The following INTS7 variants were observed in gnomAD, a reference collection of about 807,000 sequenced individuals.
INTS7 encodes the protein integrator complex subunit 7, also known as chromosome 1 open reading frame 73.
In INTS7, 46 loss-of-function variants were observed where a neutral mutation model predicts 109.2. The observed-to-expected ratio is 0.42, with a 90% CI of 0.33 to 0.54. The LOEUF is 0.54. Ranked by LOEUF, INTS7 falls within the 20% of genes least tolerant of loss-of-function variation. The probability of loss-of-function intolerance (pLI) is 0.07; values close to 1 mark genes in which losing one functional copy is unlikely to be tolerated. For missense variants in INTS7, 929 were observed against 1,132.4 expected, an observed-to-expected ratio of 0.82 and a Z score of 2.58; for synonymous variants, 412 against 402.9, an observed-to-expected ratio of 1.02 and a Z score of -0.27.
At chr1:211,969,551 C>CTTTTTTTTTTTTTTTTTTTT (rs36104773) in intron 13 of INTS7, among the ~76,000 whole-genome samples, 3 of 85,018 alleles carry the variant, frequency 3.5e-5, no homozygotes, top group Non-Finnish European at 7.1e-5. Flanking sequence ...TTTTTCTTTT[C>CTTTTTTTTTTTTTTTTTTTT]TTTTTTTTTT....
chr1:212,001,815 T>A (rs1571893564), intron 7 of INTS7, among the ~76,000 whole-genome samples: 1 of 152,348 alleles, frequency 6.6e-6, no homozygotes, highest in Admixed American at 6.5e-5. Flanking sequence ...GACTTACATA[T>A]CACTGGCCAC....
intron 14 of INTS7, 100 bp downstream of exon 14, chr1:211,968,411 GTC>G (rs1664009153): frequency 3.9e-5 from 37 of 949,652 alleles, no homozygotes; most frequent in Non-Finnish European, 5.1e-5. Context: ...TTATGATAAT[GTC>G]TGAGTCAAAC....
rs903057612 is a variant in INTS7 at position 211,946,177 on chromosome 1, T to C, written c.2415+430A>G. Among the ~76,000 whole-genome samples the C allele has an allele frequency of 7.2e-5, 11 of 152,202 alleles. No individual in the cohort carries two copies. The highest frequency in any genetic ancestry group is 2.7e-4 in the African/African-American group (11 of 41,442). On this transcript the variant is annotated intron_variant, in intron 18 of 19. Transcript: ENST00000366994. This position sits in a 1 kb window ranked among gnomAD's most constrained non-coding sequence, Gnocchi z 4.3. ...ATAAAGGAGAGAAATGGCTTACAAC[T>C]AGGTTTTATCAAAACCAAAGGTAAG...
chr1:212,023,659 C>CATA (rs2102495053), intron 1 of INTS7, among the ~76,000 whole-genome samples: 1 of 152,234 alleles, frequency 6.6e-6, no homozygotes, highest in Admixed American at 6.5e-5. Flanking sequence ...TTGTCACATG[C>CATA]ATAGTTTGCA....
intron 16 of INTS7, among the ~76,000 whole-genome samples, chr1:211,961,408 G>C (rs1269432287): frequency 6.6e-6 from 1 of 151,460 alleles, no homozygotes; most frequent in Non-Finnish European, 1.5e-5. Context: ...AGCCAGAAGA[G>C]ACTGTGGGCC....
intron 11 of INTS7, among the ~76,000 whole-genome samples, chr1:211,977,063 T>C (rs1227905991): frequency 6.6e-6 from 1 of 152,112 alleles, no homozygotes; most frequent in Non-Finnish European, 1.5e-5. Context: ...ATGCAAAAGA[T>C]TACAAGTAGT....
In INTS7 at chr1:211,982,623, G is replaced by A. The variant is rs1453652819; in HGVS notation, c.1132+53C>T. The A allele has an allele frequency of 1.4e-5, 20 of 1,421,132 alleles. No homozygotes were observed. In the South Asian group the frequency reaches 1.5e-4, roughly 11 times the overall value. The allele number at this position is 1,421,132 out of a possible 1,614,324, so 88.0% of individuals were successfully genotyped here. A position where few individuals can be genotyped will look rare whatever the true frequency, so the allele number is the denominator to read the frequency against. ...TTAAAAAAAAATCAAACAGAATTCT[G>A]TCCAAGGTCTAAACCAAAGTTTATA... On this transcript the variant is annotated intron_variant, in intron 9 of 19. Transcript: ENST00000366994.
intron 8 of INTS7, among the ~76,000 whole-genome samples, chr1:211,984,467 CT>C (rs1664805736): frequency 6.6e-6 from 1 of 152,088 alleles, no homozygotes; most frequent in Non-Finnish European, 1.5e-5. Context: ...CTTTTTCCCC[CT>C]ATGTACAACA....
In INTS7 at chr1:211,946,805, T is replaced by C. The variant is rs1412122516; in HGVS notation, c.2317-100A>G. On this transcript the variant is annotated intron_variant, in intron 17 of 19. Coordinates refer to ENST00000366994, the MANE Select transcript of INTS7 (RefSeq NM_015434.4). This position sits in a 1 kb window ranked among gnomAD's most constrained non-coding sequence, Gnocchi z 4.3. Reference sequence around the variant, plus strand: ...AAACTACAAATGCCCATATAGATTATTACAAAGGTACATACCAATCAAGAA... The same window carrying C: ...AAACTACAAATGCCCATATAGATTACTACAAAGGTACATACCAATCAAGAA... 5 of 727,290 alleles carry C rather than the reference T, an allele frequency of 6.9e-6. No homozygotes were observed. Among genetic ancestry groups the C allele is most frequent in the South Asian group, 1.8e-5 (1 of 56,310 alleles). The allele number at this position is 727,290 out of a possible 1,614,324, so 45.1% of individuals were successfully genotyped here.
chr1:212,017,849 A>C (rs1051991814), intron 3 of INTS7, among the ~76,000 whole-genome samples: 14 of 152,230 alleles, frequency 9.2e-5, no homozygotes, highest in African/African-American at 3.1e-4. Flanking sequence ...ACTGTTAAAA[A>C]TAAGTAATAC....
chr1:211,961,367 A>G (rs1020703390), intron 16 of INTS7, among the ~76,000 whole-genome samples: 4 of 152,176 alleles, frequency 2.6e-5, no homozygotes, highest in African/African-American at 9.7e-5. Context: ...ATCAGACTTA[A>G]CAGCAGACCC....
At chr1:211,967,785 C>T in intron 15 of INTS7, 93 bp downstream of exon 15, 1 of 684,310 alleles carries the variant, frequency 1.5e-6, no homozygotes, top group African/African-American at 1.9e-5. Flanking sequence ...GGTTATTTAA[C>T]ATGTATTTTG....
chr1:211,949,105 C>T (rs1304241141), intron 17 of INTS7, among the ~76,000 whole-genome samples: 2 of 152,218 alleles, frequency 1.3e-5, no homozygotes, highest in East Asian at 3.8e-4. Context: ...TGAAATTCCA[C>T]CTAATAGTCC....
In INTS7 at chr1:211,941,962, T is replaced by A. The variant is rs200000711; in HGVS notation, c.2751A>T (p.Val917=). Residue 917 remains valine, a synonymous_variant, in exon 20 of 20, where the codon GTA becomes GTT. Coordinates refer to ENST00000366994, the MANE Select transcript of INTS7 (RefSeq NM_015434.4). ...TGGTAGTTCTGGGACCAGTCTTCCA[T>A]ACTATACCATTGGCATCTTTCACAG... ...ESSVKDANGI[V]WKTGPRTTIF... 9.9e-5 allele frequency: 159 copies of A among 1,614,114 alleles called. No individual in the cohort carries two copies. Among genetic ancestry groups the A allele is most frequent in the Non-Finnish European group, 4.7e-5 (56 of 1,180,044 alleles).
At chr1:211,944,655 T>G (rs1237888537) in intron 19 of INTS7, 129 bp downstream of exon 19, 5 of 736,082 alleles carry the variant, frequency 6.8e-6, no homozygotes, top group Admixed American at 5.0e-5. Context: ...TGTGGGCTTT[T>G]AATTTATGTC....
intron 16 of INTS7, among the ~76,000 whole-genome samples, chr1:211,953,921 G>C (rs923962933): frequency 1.2e-4 from 18 of 152,256 alleles, no homozygotes; most frequent in African/African-American, 4.1e-4. Flanking sequence ...ACCCAGTAAT[G>C]GGATGGCTGG....
intron 2 of INTS7, 58 bp downstream of exon 2, chr1:212,021,025 A>G (rs1666671305): frequency 6.7e-7 from 1 of 1,501,472 alleles, no homozygotes; most frequent in African/African-American, 1.4e-5. Context: ...AGACCACAAT[A>G]TAAAACAAGA....
chr1:211,949,116 A>G (rs1311049372), intron 17 of INTS7, among the ~76,000 whole-genome samples: 2 of 152,148 alleles, frequency 1.3e-5, no homozygotes, highest in African/African-American at 4.8e-5. Flanking sequence ...CTAATAGTCC[A>G]TACCCTTATT....
rs1375960810 is a variant in INTS7 at position 212,017,024 on chromosome 1, C to A, written c.372-1G>T. The A allele has an allele frequency of 2.5e-6, 4 of 1,577,216 alleles. No individual in the cohort carries two copies. Among genetic ancestry groups the A allele is most frequent in the Non-Finnish European group, 3.4e-6 (4 of 1,165,846 alleles). Reference sequence around the variant, plus strand: ...TATTGATGCCAGACTTCCCAACATCCTACAGAAACAGAGAAACCCAAGAAG... The same window carrying A: ...TATTGATGCCAGACTTCCCAACATCATACAGAAACAGAGAAACCCAAGAAG... On this transcript the variant is annotated splice_acceptor_variant, in intron 3 of 19. Coordinates refer to ENST00000366994, the MANE Select transcript of INTS7 (RefSeq NM_015434.4). LOFTEE classifies it high-confidence loss of function.
Sources: allele counts gnomAD v4.1 joint callset (sites outside exome capture counted in the v4.1 genomes callset), GRCh38; gene constraint gnomAD v4.1.1; non-coding constraint Gnocchi (gnomAD v3.1); transcripts MANE v1.5; gene names NCBI Gene and HGNC (gene_info 2026-07-23, HGNC 2026-07-21).